The following CDH18 variants were observed in gnomAD, a reference collection of about 807,000 sequenced individuals.
CDH18 encodes the protein cadherin 18, also known as cadherin-18.
In CDH18, 31 loss-of-function variants were observed where a neutral mutation model predicts 67.9. The ratio of observed to expected loss-of-function variants is 0.46; its 90% CI spans 0.34 to 0.62. The LOEUF (loss-of-function observed/expected upper bound fraction) is 0.62, where lower values mean the gene tolerates loss of function less well. CDH18 is among the 20% of genes least tolerant of loss of function. The pLI is 0.01. For missense variants in CDH18, 890 were observed against 975.5 expected (o/e 0.91, Z 1.17); for synonymous variants, 362 against 347.2 (o/e 1.04, Z -0.48).
At chr5:20,157,799 A>G (rs1414315828) in intron 2 of CDH18, among the ~76,000 whole-genome samples, 2 of 151,388 alleles carry the variant, frequency 1.3e-5, no homozygotes, top group Non-Finnish European at 2.9e-5. Context: ...ACACCACCAC[A>G]CCCAGCTAAT....
chr5:20,179,847 A>G (rs748323197), intron 2 of CDH18, among the ~76,000 whole-genome samples: 1 of 152,184 alleles, frequency 6.6e-6, no homozygotes, highest in Admixed American at 6.5e-5. Flanking sequence ...TTTCTCTTTG[A>G]TTGAGCACCA....
chr5:19,779,765 GT>G (rs973067777), intron 3 of CDH18, among the ~76,000 whole-genome samples: 5 of 152,128 alleles, frequency 3.3e-5, no homozygotes, highest in Non-Finnish European at 7.4e-5. Context: ...TGTAGAAGAT[GT>G]TATTACTAAA....
At chr5:19,873,661 CTTT>C (rs1786587703) in intron 2 of CDH18, among the ~76,000 whole-genome samples, 1 of 149,960 alleles carries the variant, frequency 6.7e-6, no homozygotes, top group Non-Finnish European at 1.5e-5. Context: ...TTTTTTTTTT[CTTT>C]TGAGACAGAG....
At position 19,862,773 on chromosome 5, in the gene CDH18, C is replaced by T. The variant is rs546286237; in HGVS notation, c.-256-23531G>A. ...TTGCTACTAACCACAGGTCGTAGTC[C>T]AAAATAAAAACACAAACTGGCTCCA... On this transcript the variant is annotated intron_variant, in intron 2 of 12. Transcript: ENST00000382275. Among the ~76,000 whole-genome samples the T allele has an allele frequency of 9.3e-4, 142 of 152,224 alleles. 1 individual carries two copies. The highest frequency in any genetic ancestry group is 3.4e-3 in the African/African-American group (140 of 41,536).
chr5:20,044,365 T>C (rs1272695542), intron 2 of CDH18, among the ~76,000 whole-genome samples: 1 of 152,148 alleles, frequency 6.6e-6, no homozygotes, highest in Non-Finnish European at 1.5e-5. Context: ...TTTATTATGA[T>C]GTACCCTGTA....
At chr5:20,486,681 G>GTATATATATATATATA (rs750113034) in intron 1 of CDH18, among the ~76,000 whole-genome samples, 3,988 of 122,308 alleles carry the variant, frequency 0.033, 140 homozygotes, top group Middle Eastern at 0.05. Context: ...TGCTATTTTT[G>GTATATATATATATATA]TATATATATA....
At position 19,832,911 on chromosome 5, in the gene CDH18, GT is replaced by G. The variant is rs368856118; in HGVS notation, c.228+5847del. ...TATGTTTTGGTACCAGCACCCTGCT[GT>G]TTTGGTTACTATAGGTTTGTAGTAT... On this transcript the variant is annotated intron_variant, in intron 3 of 12. Coordinates refer to ENST00000382275, the MANE Select transcript of CDH18 (RefSeq NM_004934.5). Among the ~76,000 whole-genome samples the G allele has an allele frequency of 3.3e-4, 50 of 152,194 alleles. 1 individual carries two copies. In the East Asian group the frequency reaches 9.5e-3, roughly 29 times the overall value.
intron 2 of CDH18, among the ~76,000 whole-genome samples, chr5:19,845,252 T>C (rs746008585): frequency 6.6e-6 from 1 of 152,190 alleles, no homozygotes; most frequent in African/African-American, 2.4e-5. Flanking sequence ...CTAATTTCTC[T>C]TGACTTTTTT....
At chr5:19,969,188 G>T (rs1374979229) in intron 2 of CDH18, among the ~76,000 whole-genome samples, 12 of 148,642 alleles carry the variant, frequency 8.1e-5, no homozygotes, top group Admixed American at 7.9e-4. Flanking sequence ...AAAAAATCAG[G>T]AAAGAACAGG....
intron 11 of CDH18, among the ~76,000 whole-genome samples, chr5:19,497,159 A>C (rs1742484579): frequency 6.6e-6 from 1 of 152,150 alleles, no homozygotes; most frequent in African/African-American, 2.4e-5. Context: ...ACAAACAAAA[A>C]ACTGGCATTT....
intron 1 of CDH18, among the ~76,000 whole-genome samples, chr5:20,491,689 T>C (rs1402462478): frequency 2.0e-5 from 3 of 152,174 alleles, no homozygotes; most frequent in African/African-American, 7.2e-5. Context: ...CCTCAACTGA[T>C]TGGATGAGGC....
chr5:20,112,708 G>A (rs957015923), intron 2 of CDH18, among the ~76,000 whole-genome samples: 1 of 151,304 alleles, frequency 6.6e-6, no homozygotes, highest in Non-Finnish European at 1.5e-5. Flanking sequence ...GGGAGACTCC[G>A]TCTCAAAAAA....
intron 2 of CDH18, among the ~76,000 whole-genome samples, chr5:20,230,840 GAACA>G (rs1247944677): frequency 1.6e-4 from 24 of 152,120 alleles, no homozygotes; most frequent in Non-Finnish European, 2.8e-4. Flanking sequence ...ACATTTCTCT[GAACA>G]AACAAACAAG....
At chr5:19,627,908 G>A (rs189770869) in intron 5 of CDH18, among the ~76,000 whole-genome samples, 1 of 152,266 alleles carries the variant, frequency 6.6e-6, no homozygotes, top group African/African-American at 2.4e-5. Context: ...TGATGGGCCA[G>A]GTAATTAAGA....
chr5:20,003,740 C>A (rs1232146621), intron 2 of CDH18, among the ~76,000 whole-genome samples: 5 of 151,784 alleles, frequency 3.3e-5, no homozygotes, highest in Non-Finnish European at 5.9e-5. Context: ...AAAACACACA[C>A]ACAAAAAATT....
chr5:19,488,987 T>C (rs1740842511), intron 11 of CDH18, among the ~76,000 whole-genome samples: 1 of 152,084 alleles, frequency 6.6e-6, no homozygotes, highest in Non-Finnish European at 1.5e-5. Context: ...ATCCAATATG[T>C]CATTATGTTC....
intron 5 of CDH18, among the ~76,000 whole-genome samples, chr5:19,716,517 G>A (rs1212949626): frequency 6.6e-6 from 1 of 151,964 alleles, no homozygotes; most frequent in Non-Finnish European, 1.5e-5. Flanking sequence ...TAATCTGACT[G>A]TGTCTTTGAA....
intron 3 of CDH18, among the ~76,000 whole-genome samples, chr5:19,796,953 G>GT (rs1302889578): frequency 3.3e-5 from 5 of 151,650 alleles, no homozygotes; most frequent in African/African-American, 9.7e-5. Context: ...TAATGTTCAC[G>GT]TAACACAAAG....
chr5:20,314,078 T>C (rs1412326627), intron 1 of CDH18, among the ~76,000 whole-genome samples: 1 of 152,080 alleles, frequency 6.6e-6, no homozygotes, highest in Non-Finnish European at 1.5e-5. Context: ...ACATACAATT[T>C]ATGTACAATT....
Sources: gnomAD v4.1 joint callset for allele counts (sites outside exome capture counted in the v4.1 genomes callset) on GRCh38, gnomAD v4.1.1 for gene constraint, MANE v1.5 for transcripts, NCBI Gene and HGNC (gene_info 2026-07-23, HGNC 2026-07-21) for gene names.